Variants in DPYD observed in about 807,000 individuals in gnomAD.
DPYD encodes dihydropyrimidine dehydrogenase.
In DPYD, 109 loss-of-function variants were observed where a neutral mutation model predicts 116.2. That is an observed-to-expected ratio of 0.94 (90% CI 0.80 to 1.10). The LOEUF is 1.10. DPYD is among the 50% of genes least tolerant of loss of function. DPYD has a pLI of 0.00. For synonymous variants in DPYD, 440 were observed against 432.0 expected, an observed-to-expected ratio of 1.02 and a Z score of -0.23; for missense variants, 1,302 against 1,254.5, an observed-to-expected ratio of 1.04 and a Z score of -0.57.
chr1:97,349,543 G>A (rs1490176942), intron 16 of DPYD, among the ~76,000 whole-genome samples: 5 of 151,926 alleles, frequency 3.3e-5, no homozygotes, highest in African/African-American at 1.2e-4. Flanking sequence ...TCCCCTTCCT[G>A]TGTCCATGTG....
At chr1:97,523,701 C>A (rs1020743083) in intron 12 of DPYD, among the ~76,000 whole-genome samples, 1 of 152,022 alleles carries the variant, frequency 6.6e-6, no homozygotes, top group African/African-American at 2.4e-5. Context: ...TTTTGCCTTT[C>A]GTTTTTTGTT....
At chr1:97,650,246 C>T (rs1446048158) in intron 8 of DPYD, among the ~76,000 whole-genome samples, 1 of 152,080 alleles carries the variant, frequency 6.6e-6, no homozygotes, top group Admixed American at 6.6e-5. Context: ...GGACTCTATC[C>T]TCTTTACTGT....
Position 97,309,365 on chromosome 1 carries a change from G to A in DPYD, c.2059-3068C>T, listed in dbSNP as rs568290094. ...TGTGTGTGTGTGTGTGTGTGTGTGT[G>A]AGCATGTTCTTCAATACCTGTTAAC... On this transcript the variant is annotated intron_variant, in intron 16 of 22. Coordinates refer to ENST00000370192, the MANE Select transcript of DPYD (RefSeq NM_000110.4). Among the ~76,000 whole-genome samples, 8 of 150,938 alleles carry A rather than the reference G, an allele frequency of 5.3e-5. No individual in the cohort carries two copies. In the South Asian group the frequency reaches 1.3e-3, roughly 24 times the overall value.
chr1:97,249,031 A>C (rs1662905221), intron 18 of DPYD, among the ~76,000 whole-genome samples: 1 of 152,190 alleles, frequency 6.6e-6, no homozygotes, highest in Non-Finnish European at 1.5e-5. Context: ...CACCAAATTG[A>C]TCTGTAGATT....
At chr1:97,223,745 G>A (rs1660931244) in intron 19 of DPYD, among the ~76,000 whole-genome samples, 2 of 152,002 alleles carry the variant, frequency 1.3e-5, no homozygotes, top group South Asian at 2.1e-4. Context: ...TTGAATACTA[G>A]AAAGAAGATA....
At chr1:97,694,433 G>C (rs1162985766) in intron 6 of DPYD, among the ~76,000 whole-genome samples, 1 of 152,164 alleles carries the variant, frequency 6.6e-6, no homozygotes, top group African/African-American at 2.4e-5. Flanking sequence ...GCTTATTGTG[G>C]GATGAGATAA....
chr1:97,789,425 A>G (rs1667206675), intron 3 of DPYD, among the ~76,000 whole-genome samples: 1 of 152,208 alleles, frequency 6.6e-6, no homozygotes, highest in Non-Finnish European at 1.5e-5. Context: ...TTTCTTTTGC[A>G]AAATTGAATC....
intron 13 of DPYD, among the ~76,000 whole-genome samples, chr1:97,457,467 A>C (rs1034658110): frequency 3.9e-5 from 6 of 152,130 alleles, no homozygotes; most frequent in African/African-American, 1.2e-4. Flanking sequence ...ATGATTTTGT[A>C]AACTAGACAC....
chr1:97,652,091 C>T lies in DPYD; in HGVS notation c.850+27004G>A, dbSNP rs80064568. Among the ~76,000 whole-genome samples, 167 of 152,054 alleles carry T rather than the reference C, an allele frequency of 1.1e-3. 1 individual carries two copies. The highest frequency in any genetic ancestry group is 1.7e-3 in the East Asian group (9 of 5,158). ...TTATAATACAAGAAATCAAGATGAT[C>T]TTACGGATCATGAGTCACTATATTC... is the stretch of plus-strand genomic sequence containing the variant. On this transcript the variant is annotated intron_variant, in intron 8 of 22. Coordinates refer to ENST00000370192, the MANE Select transcript of DPYD (RefSeq NM_000110.4).
intron 15 of DPYD, among the ~76,000 whole-genome samples, chr1:97,374,718 G>GAAAAAAA (rs144889184): frequency 9.5e-5 from 5 of 52,612 alleles, no homozygotes; most frequent in African/African-American, 5.1e-4. Context: ...CTCCGTCTCA[G>GAAAAAAA]AAAAAAAAAA....
intron 12 of DPYD, among the ~76,000 whole-genome samples, chr1:97,529,758 TTC>T (rs1649443414): frequency 1.5e-5 from 2 of 135,440 alleles, no homozygotes; most frequent in African/African-American, 6.0e-5. Flanking sequence ...CTTCCTTTCT[TTC>T]TTTCTCTTTC....
chr1:97,403,651 T>C (rs1340882686), intron 14 of DPYD, among the ~76,000 whole-genome samples: 2 of 152,068 alleles, frequency 1.3e-5, no homozygotes, highest in African/African-American at 2.4e-5. Flanking sequence ...CCCGTAGTGA[T>C]GTCCACCCTT....
At chr1:97,359,251 T>A (rs998767390) in intron 16 of DPYD, among the ~76,000 whole-genome samples, 1 of 151,612 alleles carries the variant, frequency 6.6e-6, no homozygotes, top group African/African-American at 2.4e-5. Flanking sequence ...AGCAAGAAGT[T>A]TAGAGGAAAA....
chr1:97,415,430 C>T (rs1417079460), intron 14 of DPYD, among the ~76,000 whole-genome samples: 2 of 152,120 alleles, frequency 1.3e-5, no homozygotes, highest in Non-Finnish European at 2.9e-5. Flanking sequence ...AGGGCTCAAG[C>T]GATTTTCCTG....
intron 16 of DPYD, among the ~76,000 whole-genome samples, chr1:97,323,712 A>G (rs959313220): frequency 2.1e-5 from 3 of 144,436 alleles, no homozygotes; most frequent in Non-Finnish European, 4.5e-5. Flanking sequence ...GTATATATAT[A>G]CACACACACA....
chr1:97,799,358 C>T (rs2101322411), intron 3 of DPYD, among the ~76,000 whole-genome samples: 1 of 151,960 alleles, frequency 6.6e-6, no homozygotes, highest in African/African-American at 2.4e-5. Context: ...CAAATGATGA[C>T]CCTGATTTGT....
In DPYD at chr1:97,262,062, C is replaced by T. The variant is rs117406547; in HGVS notation, c.2300-27068G>A. The stretch of plus-strand genomic sequence containing the variant: ...CCTTTGGGGAGCACTCCTAGACCAT[C>T]CTCAATCACCAGATTCCTTTCTTTT... On this transcript the variant is annotated intron_variant, in intron 18 of 22. Coordinates refer to ENST00000370192, the MANE Select transcript of DPYD (RefSeq NM_000110.4). Among the ~76,000 whole-genome samples, 8 of 152,006 alleles carry T rather than the reference C, an allele frequency of 5.3e-5. No individual in the cohort carries two copies. In the East Asian group the frequency reaches 1.6e-3, roughly 29 times the overall value.
chr1:97,412,458 C>T (rs1015099709), intron 14 of DPYD, among the ~76,000 whole-genome samples: 9 of 152,030 alleles, frequency 5.9e-5, no homozygotes, highest in Non-Finnish European at 1.0e-4. Flanking sequence ...ACTTACAAAA[C>T]GAATAGGAGA....
intron 18 of DPYD, among the ~76,000 whole-genome samples, chr1:97,281,405 T>C (rs1311232022): frequency 6.6e-6 from 1 of 151,564 alleles, no homozygotes; most frequent in Non-Finnish European, 1.5e-5. Flanking sequence ...AGAGAGAAAA[T>C]ATATAAATAT....
Sources: allele counts gnomAD v4.1 joint callset (sites outside exome capture counted in the v4.1 genomes callset), GRCh38; gene constraint gnomAD v4.1.1; transcripts MANE v1.5; gene names NCBI Gene and HGNC (gene_info 2026-07-23, HGNC 2026-07-21).